Variants in ANK2 observed in about 807,000 individuals in gnomAD.
ANK2 encodes the protein ankyrin-2.
A neutral mutation model predicts 360.5 loss-of-function variants in ANK2; 83 were observed. The observed-to-expected ratio is 0.23, with a 90% CI of 0.19 to 0.28. The LOEUF (loss-of-function observed/expected upper bound fraction) is 0.28, where lower values mean the gene tolerates loss of function less well. Among genes scored for constraint, ANK2 ranks in the 10% least tolerant of loss-of-function variants. The pLI is 1.00. For synonymous variants in ANK2, 1,740 were observed against 1,759.5 expected, an observed-to-expected ratio of 0.99 and a Z score of 0.28; for missense variants, 4,201 against 4,795.7, an observed-to-expected ratio of 0.88 and a Z score of 3.66.
intron 1 of ANK2, among the ~76,000 whole-genome samples, chr4:112,880,074 T>A (rs1005984085): frequency 1.0e-3 from 151 of 150,376 alleles, no homozygotes; most frequent in African/African-American, 3.0e-3. Context: ...TCTCTCTCTC[T>A]CACACACACA....
chr4:113,207,274 T>C (rs978047486), intron 4 of ANK2, among the ~76,000 whole-genome samples: 1 of 152,268 alleles, frequency 6.6e-6, no homozygotes, highest in East Asian at 1.9e-4. Flanking sequence ...CTGCTTGTCA[T>C]TTTATTCTGA....
the ANK2 span, among the ~76,000 whole-genome samples, chr4:112,713,005 TCAAA>T: frequency 2.2e-4 from 34 of 152,290 alleles, no homozygotes; most frequent in East Asian, 5.8e-3. Flanking sequence ...CCTACTGTAG[TCAAA>T]CAAAGGCTTC....
At chr4:112,778,087 G>A in the ANK2 span, among the ~76,000 whole-genome samples, 6 of 151,380 alleles carry the variant, frequency 4.0e-5, no homozygotes, top group Non-Finnish European at 5.9e-5. Context: ...CTTCTGCCTC[G>A]GCCTTCCGAG....
intron 7 of ANK2, among the ~76,000 whole-genome samples, chr4:113,238,732 A>G (rs960098782): frequency 6.6e-6 from 1 of 152,306 alleles, no homozygotes. Flanking sequence ...TAGAGTAAAA[A>G]GAAGAGAAAC....
intron 1 of ANK2, among the ~76,000 whole-genome samples, chr4:112,839,704 TCAATTGTTTTA>T (rs1285456065): frequency 9.2e-5 from 14 of 152,224 alleles, no homozygotes; most frequent in Non-Finnish European, 1.9e-4. Context: ...GCTTATTTTT[TCAATTGTTTTA>T]CAATTAATCC....
chr4:113,219,153 A>C (rs362481), intron 4 of ANK2, among the ~76,000 whole-genome samples: 4,246 of 152,232 alleles, frequency 0.028, 98 homozygotes, highest in East Asian at 0.068. Context: ...ATTATACTAC[A>C]TACTGAAGAT....
At chr4:112,746,022 G>A in the ANK2 span, among the ~76,000 whole-genome samples, 1 of 150,642 alleles carries the variant, frequency 6.6e-6, no homozygotes, top group African/African-American at 2.4e-5. Flanking sequence ...CAATAATCCT[G>A]TCCTCTCACT....
chr4:113,378,852 C>G (rs1287291739), intron 45 of ANK2, among the ~76,000 whole-genome samples: 1 of 151,842 alleles, frequency 6.6e-6, no homozygotes, highest in African/African-American at 2.4e-5. Context: ...TTCCACAGAT[C>G]TACTCTGGCT....
At chr4:112,826,533 CA>C in intron 1 of ANK2, 1 of 1,365,146 alleles carries the variant, frequency 7.3e-7, no homozygotes, top group Non-Finnish European at 1.0e-6. Context: ...CACTCCAATG[CA>C]AATCAAACTT....
chr4:113,108,018 A>C (rs1219533110), intron 1 of ANK2, among the ~76,000 whole-genome samples: 1 of 152,212 alleles, frequency 6.6e-6, no homozygotes. Context: ...TAAACATTTT[A>C]TTTCAACTTG....
chr4:112,871,481 C>T (rs2150263647), intron 1 of ANK2, among the ~76,000 whole-genome samples: 1 of 152,328 alleles, frequency 6.6e-6, no homozygotes, highest in African/African-American at 2.4e-5. Flanking sequence ...GCCACCACGC[C>T]TGGCCTTAGT....
intron 29 of ANK2, among the ~76,000 whole-genome samples, chr4:113,334,200 TAAG>T (rs773268930): frequency 4.8e-4 from 73 of 152,162 alleles, no homozygotes; most frequent in Non-Finnish European, 9.0e-4. Context: ...ACGGTTTGAA[TAAG>T]AATAGAGGCC....
At position 113,259,891 on chromosome 4, in the gene ANK2, ACAG is replaced by A. The variant is rs916857116; in HGVS notation, c.1386+1483_1386+1485del. Among the ~76,000 whole-genome samples, 56 of 151,728 alleles carry A rather than the reference ACAG, an allele frequency of 3.7e-4. 1 individual carries two copies. Among genetic ancestry groups the A allele is most frequent in the African/African-American group, 1.3e-3 (55 of 41,402 alleles). ...TTAAAACAAAAAACAAACAACAACAACAGCAACCAACAAAAGAAACAAGCAAAC... is the reference window on the plus strand; with the variant it reads ...TTAAAACAAAAAACAAACAACAACAACAACCAACAAAAGAAACAAGCAAAC... On this transcript the variant is annotated intron_variant, in intron 13 of 45. Transcript: ENST00000357077.
At chr4:112,723,454 C>G in the ANK2 span, among the ~76,000 whole-genome samples, 1 of 152,170 alleles carries the variant, frequency 6.6e-6, no homozygotes, top group South Asian at 2.1e-4. Context: ...ACCTCCGCCT[C>G]CCGGGTTCAA....
intron 17 of ANK2, among the ~76,000 whole-genome samples, chr4:113,281,110 G>A (rs1244707159): frequency 6.6e-6 from 1 of 152,066 alleles, no homozygotes; most frequent in African/African-American, 2.4e-5. Context: ...GGAGAAATGG[G>A]GACAGAGTAG....
intron 2 of ANK2, among the ~76,000 whole-genome samples, chr4:113,184,829 G>GGACA (rs1562710593): frequency 1.2e-4 from 19 of 152,056 alleles, no homozygotes; most frequent in African/African-American, 4.3e-4. Flanking sequence ...ATCTACATTA[G>GGACA]GTATTTCTCC....
intron 14 of ANK2, among the ~76,000 whole-genome samples, chr4:113,268,608 G>A (rs990254931): frequency 6.6e-6 from 1 of 152,146 alleles, no homozygotes; most frequent in Non-Finnish European, 1.5e-5. Context: ...TGACTTGATC[G>A]TGGTGGATAA....
chr4:113,235,288 T>C (rs2099362830), intron 5 of ANK2, among the ~76,000 whole-genome samples: 1 of 152,172 alleles, frequency 6.6e-6, no homozygotes, highest in South Asian at 2.1e-4. Context: ...CTATTTTTCA[T>C]CTTAAGATAC....
the ANK2 span, among the ~76,000 whole-genome samples, chr4:112,723,668 C>G: frequency 1.3e-5 from 2 of 152,050 alleles, no homozygotes; most frequent in Admixed American, 1.3e-4. Flanking sequence ...CCGGCAAGAT[C>G]TTTTTTTAAT....
Sources: gnomAD v4.1 joint callset for allele counts (sites outside exome capture counted in the v4.1 genomes callset) on GRCh38, gnomAD v4.1.1 for gene constraint, MANE v1.5 for transcripts, NCBI Gene and HGNC (gene_info 2026-07-23, HGNC 2026-07-21) for gene names.